ZNF385D: variants seen among roughly 807,000 people sequenced by gnomAD.
ZNF385D encodes zinc finger protein 659.
ZNF385D carries 15 observed loss-of-function variants against 35.8 expected under a neutral mutation model. That is an observed-to-expected ratio of 0.42 (90% CI 0.28 to 0.64). The LOEUF (loss-of-function observed/expected upper bound fraction) is 0.64, where lower values mean the gene tolerates loss of function less well. Ranked by LOEUF, ZNF385D falls within the 30% of genes least tolerant of loss-of-function variation. The probability of loss-of-function intolerance (pLI) is 0.23; values close to 1 mark genes in which losing one functional copy is unlikely to be tolerated. For missense variants in ZNF385D, 474 were observed against 494.6 expected (o/e 0.96, Z 0.39); for synonymous variants, 212 against 186.8 (o/e 1.13, Z -1.10).
In ZNF385D at chr3:22,130,617, T is replaced by A. The variant is rs528894339; in HGVS notation, c.325+38200A>T. ...AAACTTCCAATTTCCCAGTGAAAAC[T>A]TCACTACATTTTCCTTCCCCCAAGA... is the stretch of plus-strand genomic sequence containing the variant. On this transcript the variant is annotated intron_variant, in intron 3 of 5. Transcript: ENST00000494108. Among the ~76,000 whole-genome samples, 55 of 152,274 alleles carry A rather than the reference T, an allele frequency of 3.6e-4. No homozygotes were observed. In the South Asian group the frequency reaches 0.011, roughly 32 times the overall value.
chr3:21,942,396 C>T (rs1193907356), intron 3 of ZNF385D, among the ~76,000 whole-genome samples: 2 of 152,162 alleles, frequency 1.3e-5, no homozygotes, highest in Non-Finnish European at 1.5e-5. Flanking sequence ...TACTATGACA[C>T]ATAATACAAA....
At chr3:22,246,248 TA>T (rs1308398046) in intron 2 of ZNF385D, among the ~76,000 whole-genome samples, 1 of 152,178 alleles carries the variant, frequency 6.6e-6, no homozygotes, top group Non-Finnish European at 1.5e-5. Context: ...TACCTTTCTA[TA>T]ACTAATAGCA....
chr3:21,771,876 G>A (rs1163028248), intron 3 of ZNF385D, among the ~76,000 whole-genome samples: 1 of 151,926 alleles, frequency 6.6e-6, no homozygotes. Flanking sequence ...TACTGGCATT[G>A]AGGCATATAA....
intron 4 of ZNF385D, among the ~76,000 whole-genome samples, chr3:21,497,917 CA>C (rs1204409714): frequency 1.3e-5 from 2 of 152,008 alleles, no homozygotes; most frequent in East Asian, 3.9e-4. Flanking sequence ...ATAGCCAAAG[CA>C]ATCCTAAGCA....
intron 2 of ZNF385D, among the ~76,000 whole-genome samples, chr3:22,311,641 T>TA (rs1703557199): frequency 6.6e-6 from 1 of 152,130 alleles, no homozygotes; most frequent in Non-Finnish European, 1.5e-5. Context: ...CTTGTATGTA[T>TA]AAGCTTGTAA....
intron 2 of ZNF385D, among the ~76,000 whole-genome samples, chr3:22,183,275 A>G (rs1287958308): frequency 6.6e-6 from 1 of 152,186 alleles, no homozygotes; most frequent in Non-Finnish European, 1.5e-5. Flanking sequence ...TATCTTAAAA[A>G]TTATCTTAAA....
chr3:22,199,009 T>C (rs1209052020), intron 2 of ZNF385D, among the ~76,000 whole-genome samples: 1 of 152,120 alleles, frequency 6.6e-6, no homozygotes, highest in Non-Finnish European at 1.5e-5. Flanking sequence ...TTAATAAGTC[T>C]CATGATTATT....
intron 3 of ZNF385D, among the ~76,000 whole-genome samples, chr3:22,009,670 A>G (rs1576144593): frequency 6.6e-6 from 1 of 151,982 alleles, no homozygotes; most frequent in East Asian, 1.9e-4. Flanking sequence ...ATCAAGGTGC[A>G]GAAGGATGTG....
intron 3 of ZNF385D, among the ~76,000 whole-genome samples, chr3:21,785,926 G>A (rs1031484685): frequency 1.3e-5 from 2 of 152,186 alleles, no homozygotes; most frequent in African/African-American, 2.4e-5. Context: ...CATAGAGGCT[G>A]CACTGGCAAC....
At chr3:22,305,161 C>T (rs975374566) in intron 2 of ZNF385D, among the ~76,000 whole-genome samples, 6 of 151,932 alleles carry the variant, frequency 3.9e-5, no homozygotes, top group Non-Finnish European at 5.9e-5. Context: ...ACGAATTACT[C>T]GCTTATTAGA....
chr3:22,195,176 C>G (rs779046260), intron 2 of ZNF385D, among the ~76,000 whole-genome samples: 5 of 151,806 alleles, frequency 3.3e-5, no homozygotes, highest in Non-Finnish European at 5.9e-5. Context: ...CTAATGGTTT[C>G]TAGTGGAATC....
intron 4 of ZNF385D, among the ~76,000 whole-genome samples, chr3:21,446,223 C>A (rs143676820): frequency 6.6e-6 from 1 of 152,216 alleles, no homozygotes; most frequent in East Asian, 1.9e-4. Flanking sequence ...AATTAGTTTC[C>A]GGTTTAGATT....
At chr3:21,742,164 T>G (rs575757326) in intron 1 of ZNF385D, among the ~76,000 whole-genome samples, 19 of 152,242 alleles carry the variant, frequency 1.2e-4, no homozygotes, top group Non-Finnish European at 2.8e-4. Flanking sequence ...TATTCAAATT[T>G]CATTACACTT....
chr3:21,512,305 C>T (rs2125472539), intron 3 of ZNF385D, among the ~76,000 whole-genome samples: 1 of 152,088 alleles, frequency 6.6e-6, no homozygotes, highest in African/African-American at 2.4e-5. Context: ...CAGGTCATAA[C>T]CTTTCCAAAT....
intron 3 of ZNF385D, among the ~76,000 whole-genome samples, chr3:21,829,183 A>T (rs982486753): frequency 6.6e-6 from 1 of 152,214 alleles, no homozygotes; most frequent in Non-Finnish European, 1.5e-5. Context: ...TATGTAAACA[A>T]ATTAATTGTA....
chr3:22,029,077 C>T (rs1697746847), intron 3 of ZNF385D, among the ~76,000 whole-genome samples: 1 of 152,112 alleles, frequency 6.6e-6, no homozygotes, highest in African/African-American at 2.4e-5. Context: ...ATTCTGCTGG[C>T]CTAGAGGTCT....
intron 2 of ZNF385D, among the ~76,000 whole-genome samples, chr3:22,208,725 A>T (rs1307590007): frequency 6.6e-6 from 1 of 151,818 alleles, no homozygotes; most frequent in Non-Finnish European, 1.5e-5. Context: ...ATTAAAAAAA[A>T]AATTTAAAAA....
chr3:22,209,364 T>C (rs1024544855), intron 2 of ZNF385D, among the ~76,000 whole-genome samples: 10 of 152,020 alleles, frequency 6.6e-5, no homozygotes, highest in African/African-American at 2.4e-4. Context: ...GCGAATACAA[T>C]AGGAGTTGAT....
intron 2 of ZNF385D, among the ~76,000 whole-genome samples, chr3:22,182,520 AC>A (rs1243461684): frequency 6.6e-6 from 1 of 152,092 alleles, no homozygotes; most frequent in African/African-American, 2.4e-5. Flanking sequence ...GCAGGGATCC[AC>A]AAATTACTCA....
Sources: gnomAD v4.1 joint callset for allele counts (sites outside exome capture counted in the v4.1 genomes callset) on GRCh38, gnomAD v4.1.1 for gene constraint, MANE v1.5 for transcripts, NCBI Gene and HGNC (gene_info 2026-07-23, HGNC 2026-07-21) for gene names.